SMIM3: variants seen among roughly 807,000 people sequenced by gnomAD.
SMIM3 encodes small integral membrane protein 3, also known as NGF-induced differentiation clone 67 protein.
In SMIM3, 4 loss-of-function variants were observed where a neutral mutation model predicts 2.1. The observed-to-expected ratio is 1.89, with a 90% CI of 0.93 to 4.31. The LOEUF is 4.31. Ranked by LOEUF, SMIM3 falls within the 30% of genes most tolerant of loss-of-function variation. The probability of loss-of-function intolerance (pLI) is 0.01; values close to 1 mark genes in which losing one functional copy is unlikely to be tolerated. For missense variants in SMIM3, 79 were observed against 77.7 expected (o/e 1.02, Z -0.06); for synonymous variants, 29 against 30.8 (o/e 0.94, Z 0.19).
At chr5:150,791,183 G>A (rs111511437) in intron 1 of SMIM3, among the ~76,000 whole-genome samples, 3 of 152,068 alleles carry the variant, frequency 2.0e-5, no homozygotes, top group African/African-American at 4.8e-5. Flanking sequence ...ATATATCCTC[G>A]CCTATTTCCC....
chr5:150,792,321 G>A (rs368895934), intron 1 of SMIM3, among the ~76,000 whole-genome samples: 4 of 152,158 alleles, frequency 2.6e-5, no homozygotes, highest in Non-Finnish European at 5.9e-5. Flanking sequence ...GTATTATATC[G>A]ATGGTTCCCA....
intron 1 of SMIM3, among the ~76,000 whole-genome samples, chr5:150,784,009 C>A (rs148590098): frequency 1.3e-5 from 2 of 150,676 alleles, no homozygotes; most frequent in Non-Finnish European, 2.9e-5. Context: ...ACCTCCACCT[C>A]CTGGGTTCAA....
At position 150,795,655 on chromosome 5, in the gene SMIM3, G is replaced by A; in HGVS notation, c.*32G>A. On this transcript the variant is annotated 3_prime_UTR_variant, in exon 2 of 2. Coordinates refer to ENST00000526627, the MANE Select transcript of SMIM3 (RefSeq NM_032947.5). ...CCCAAGAGGGCCGGGTGAGGGATGA[G>A]GACAGGCATCCTATCCCCAGCCTCT... 3 of 1,532,948 alleles carry A rather than the reference G, an allele frequency of 2.0e-6. No individual in the cohort carries two copies. The highest frequency in any genetic ancestry group is 2.6e-6 in the Non-Finnish European group (3 of 1,143,318). The allele number at this position is 1,532,948 out of a possible 1,614,324, so 95.0% of individuals were successfully genotyped here. A position where few individuals can be genotyped will look rare whatever the true frequency, so the allele number is the denominator to read the frequency against.
intron 1 of SMIM3, among the ~76,000 whole-genome samples, chr5:150,784,191 A>G (rs1000901616): frequency 2.0e-5 from 3 of 152,108 alleles, no homozygotes; most frequent in Admixed American, 2.0e-4. Flanking sequence ...AGCTCAGCTT[A>G]ACTTCGTGAA....
At chr5:150,788,633 CAAA>C (rs765111003) in intron 1 of SMIM3, among the ~76,000 whole-genome samples, 4 of 80,000 alleles carry the variant, frequency 5.0e-5, no homozygotes, top group Non-Finnish European at 5.9e-5. Flanking sequence ...GACTGTGTCT[CAAA>C]AAAAAAAAAA....
chr5:150,782,978 A>G (rs894624897), intron 1 of SMIM3, among the ~76,000 whole-genome samples: 2 of 152,252 alleles, frequency 1.3e-5, no homozygotes, highest in African/African-American at 4.8e-5. Context: ...AAAAAAGCCA[A>G]TAAAAACAAA....
At chr5:150,779,068 C>A (rs550927232) in intron 1 of SMIM3, 96 bp downstream of exon 1, 4 of 451,732 alleles carry the variant, frequency 8.9e-6, no homozygotes, top group Admixed American at 5.0e-5. Flanking sequence ...TTTCCCCGGG[C>A]TCCCAACGTT....
intron 1 of SMIM3, among the ~76,000 whole-genome samples, chr5:150,786,163 G>T (rs1753291937): frequency 6.6e-6 from 1 of 151,830 alleles, no homozygotes; most frequent in African/African-American, 2.4e-5. Context: ...ATTTTCCCCT[G>T]ATCTTTTTTC....
intron 1 of SMIM3, among the ~76,000 whole-genome samples, chr5:150,789,950 G>GT (rs769648444): frequency 2.0e-5 from 3 of 152,056 alleles, no homozygotes; most frequent in Non-Finnish European, 4.4e-5. Flanking sequence ...TTGGGTATTG[G>GT]GGTTAGAATA....
At chr5:150,779,721 G>A (rs771131874) in intron 1 of SMIM3, among the ~76,000 whole-genome samples, 1 of 152,082 alleles carries the variant, frequency 6.6e-6, no homozygotes, top group Non-Finnish European at 1.5e-5. Context: ...TGAGGGTAGG[G>A]ACTGCCTGTC....
In SMIM3 at chr5:150,795,913, C is replaced by A; in HGVS notation, c.*290C>A. On this transcript the variant is annotated 3_prime_UTR_variant, in exon 2 of 2. Transcript: ENST00000526627. ...CTGTTTGTGATCAGTAAAGCTACCA[C>A]AGATATAAGGGTGTTATGCTGAATC... is the stretch of plus-strand genomic sequence containing the variant. 2.4e-6 allele frequency: 1 copy of A among 424,892 alleles called. No homozygotes were observed. The allele number at this position is 424,892 out of a possible 1,614,324, so 26.3% of individuals were successfully genotyped here.
intron 1 of SMIM3, among the ~76,000 whole-genome samples, chr5:150,779,495 G>C (rs1753209584): frequency 6.6e-6 from 1 of 152,170 alleles, no homozygotes; most frequent in African/African-American, 2.4e-5. Flanking sequence ...CCCTGGTTCT[G>C]TCACTAACTG....
intron 1 of SMIM3, among the ~76,000 whole-genome samples, chr5:150,790,487 C>G (rs903920210): frequency 1.3e-5 from 2 of 152,164 alleles, no homozygotes; most frequent in Non-Finnish European, 2.9e-5. Context: ...GAAAGTTACT[C>G]CATTTCCTAG....
intron 1 of SMIM3, among the ~76,000 whole-genome samples, chr5:150,782,925 T>A (rs1368203113): frequency 6.6e-6 from 1 of 152,218 alleles, no homozygotes; most frequent in Non-Finnish European, 1.5e-5. Context: ...CTCCCTGTGC[T>A]TGCGTTTGAG....
chr5:150,785,014 T>C (rs1004585064), intron 1 of SMIM3, among the ~76,000 whole-genome samples: 1 of 152,100 alleles, frequency 6.6e-6, no homozygotes, highest in Non-Finnish European at 1.5e-5. Context: ...TTTAATTCTA[T>C]TTCTTCCAGA....
chr5:150,783,580 A>G (rs1299793463), intron 1 of SMIM3, among the ~76,000 whole-genome samples: 2 of 152,218 alleles, frequency 1.3e-5, no homozygotes, highest in Admixed American at 1.3e-4. Flanking sequence ...CTAAGGCCAC[A>G]CCTGCAGGAA....
At position 150,795,859 on chromosome 5, in the gene SMIM3, A is replaced by G. The variant is rs1753399762; in HGVS notation, c.*236A>G. On this transcript the variant is annotated 3_prime_UTR_variant, in exon 2 of 2. Coordinates refer to ENST00000526627, the MANE Select transcript of SMIM3 (RefSeq NM_032947.5). ...GCCCTTTCTACCTCATAGGGATGTGAGAACCACCTGACTTAGTGGATGTGA... is the reference window on the plus strand; with the variant it reads ...GCCCTTTCTACCTCATAGGGATGTGGGAACCACCTGACTTAGTGGATGTGA... 7 of 549,030 alleles carry G rather than the reference A, an allele frequency of 1.3e-5. No individual in the cohort carries two copies. The highest frequency in any genetic ancestry group is 2.3e-5 in the Non-Finnish European group (7 of 306,288). The allele number at this position is 549,030 out of a possible 1,614,324, so 34.0% of individuals were successfully genotyped here.
intron 1 of SMIM3, among the ~76,000 whole-genome samples, chr5:150,795,066 C>T (rs1316643763): frequency 1.3e-5 from 2 of 152,130 alleles, no homozygotes; most frequent in African/African-American, 4.8e-5. Flanking sequence ...TCCCACCCAT[C>T]TGGGTTCATG....
chr5:150,781,958 C>T (rs550498806), intron 1 of SMIM3, among the ~76,000 whole-genome samples: 1 of 152,290 alleles, frequency 6.6e-6, no homozygotes, highest in Non-Finnish European at 1.5e-5. Flanking sequence ...TCAGATGGTA[C>T]GTGCGGTCTT....
Sources: allele counts gnomAD v4.1 joint callset (sites outside exome capture counted in the v4.1 genomes callset), GRCh38; gene constraint gnomAD v4.1.1; transcripts MANE v1.5; gene names NCBI Gene and HGNC (gene_info 2026-07-23, HGNC 2026-07-21).